MFSD8: variants seen among roughly 807,000 people sequenced by gnomAD.
MFSD8 encodes major facilitator superfamily domain containing 8.
A neutral mutation model predicts 66.4 loss-of-function variants in MFSD8; 55 were observed. The observed-to-expected ratio is 0.83, with a 90% CI of 0.67 to 1.04. The LOEUF (loss-of-function observed/expected upper bound fraction) is 1.04. Among genes scored for constraint, MFSD8 ranks in the 50% least tolerant of loss-of-function variants. The probability of loss-of-function intolerance (pLI) is 0.00; values close to 1 mark genes in which losing one functional copy is unlikely to be tolerated. For synonymous variants in MFSD8, 202 were observed against 212.8 expected (o/e 0.95, Z 0.44); for missense variants, 550 against 627.6 (o/e 0.88, Z 1.32).
At position 127,921,776 on chromosome 4, in the gene MFSD8, AAAAAC is replaced by A. The variant is rs1212979817; in HGVS notation, c.1103-10_1103-6del. The stretch of plus-strand genomic sequence containing the variant: ...GGATTGAATTATTGTGCAAATCTGT[AAAAAC>A]AAAACCATTGCAGTGCATTACTTGT... On this transcript the variant is annotated splice_polypyrimidine_tract_variant and splice_region_variant and intron_variant, in intron 10 of 11. Coordinates refer to ENST00000641686, the MANE Select transcript of MFSD8 (RefSeq NM_001371596.2). The A allele has an allele frequency of 5.6e-6, 9 of 1,614,092 alleles. No individual in the cohort carries two copies. In the Admixed American group the frequency reaches 1.5e-4, roughly 27 times the overall value.
chr4:127,965,137 T>TA lies in MFSD8; in HGVS notation c.-5dup, dbSNP rs1378507589. 1.2e-6 allele frequency: 2 copies of TA among 1,613,960 alleles called. No individual in the cohort carries two copies. The highest frequency in any genetic ancestry group is 1.7e-6 in the Non-Finnish European group (2 of 1,180,020). ...TTTCGTTCCGCAGGCCGGCCATAGTTACACTCCCTACAAGGCGTCTTGCGC... is the reference window on the plus strand; with the variant it reads ...TTTCGTTCCGCAGGCCGGCCATAGTTAACACTCCCTACAAGGCGTCTTGCGC... On this transcript the variant is annotated 5_prime_UTR_variant, in exon 1 of 12. Transcript: ENST00000641686.
chr4:127,947,159 G>T (rs1050678210), intron 3 of MFSD8, among the ~76,000 whole-genome samples: 1 of 152,172 alleles, frequency 6.6e-6, no homozygotes, highest in Non-Finnish European at 1.5e-5. Flanking sequence ...TGGGGAGGCT[G>T]AGGCAGGATC....
At chr4:127,965,260 G>A, upstream of MFSD8, 7 of 1,222,956 alleles carry the variant, frequency 5.7e-6, no homozygotes, top group East Asian at 2.5e-5. Flanking sequence ...TCAGACGTAG[G>A]CGGAACGCCC....
At chr4:127,931,890 C>A (rs117004654) in intron 8 of MFSD8, among the ~76,000 whole-genome samples, 4,504 of 152,246 alleles carry the variant, frequency 0.03, 289 homozygotes, top group East Asian at 0.26. Context: ...GAGCAAATCA[C>A]TTGAGCCCAG....
chr4:127,953,461 C>CAA (rs368450161), intron 2 of MFSD8, among the ~76,000 whole-genome samples: 3,479 of 76,462 alleles, frequency 0.045, 210 homozygotes, highest in East Asian at 0.34. Flanking sequence ...GCACTCAGCT[C>CAA]AAAAAAAAAA....
chr4:127,943,959 A>C lies in MFSD8; in HGVS notation c.232T>G (p.Trp78Gly). ...DPTADTSFLG[W>G]VIASYSLGQM... The stretch of plus-strand genomic sequence containing the variant: ...CCAAGACTATATGAAGCAATAACCC[A>C]GCCCAAAAAACTTGTATCAGCTGTC... The change falls in exon 4 of 12, where the codon TGG becomes GGG. Residue 78 changes from tryptophan (W) to glycine (G), a missense_variant. Transcript: ENST00000641686. The C allele has an allele frequency of 6.2e-7, 1 of 1,614,238 alleles. No individual in the cohort carries two copies. Among genetic ancestry groups the C allele is most frequent in the Non-Finnish European group, 8.5e-7 (1 of 1,180,040 alleles).
chr4:127,942,306 G>C lies in MFSD8; in HGVS notation c.440-148C>G, dbSNP rs115927158. 4.8e-3 allele frequency: 3,225 copies of C among 667,224 alleles called. 86 individuals carry two copies. The African/African-American group carries it at 0.052, about 11-fold the overall frequency. The allele number at this position is 667,224 out of a possible 1,614,324, so 41.3% of individuals were successfully genotyped here. A position where few individuals can be genotyped will look rare whatever the true frequency, so the allele number is the denominator to read the frequency against. ...TTTATGATCACACAAAGCATGTAAG[G>C]TATTTTTATTAAGCAAATGCATCAA... On this transcript the variant is annotated intron_variant, in intron 4 of 11. Transcript: ENST00000641686.
intron 9 of MFSD8, among the ~76,000 whole-genome samples, chr4:127,922,805 G>A (rs745525425): frequency 1.3e-5 from 2 of 151,792 alleles, no homozygotes; most frequent in African/African-American, 2.4e-5. Flanking sequence ...TTCTCTTCAT[G>A]GTAAGTATTC....
chr4:127,959,782 T>C (rs940068291), intron 1 of MFSD8, among the ~76,000 whole-genome samples: 1 of 152,238 alleles, frequency 6.6e-6, no homozygotes, highest in Non-Finnish European at 1.5e-5. Flanking sequence ...CCTTTTTTAA[T>C]TAAAAAAGTA....
chr4:127,922,138 G>A, intron 9 of MFSD8, 175 bp from the exon 10 acceptor site: 1 of 733,796 alleles, frequency 1.4e-6, no homozygotes, highest in South Asian at 1.8e-5. Context: ...CTGAAAAATG[G>A]CTGACTTAAG....
chr4:127,955,053 A>G (rs1372449362), intron 2 of MFSD8, among the ~76,000 whole-genome samples: 2 of 152,196 alleles, frequency 1.3e-5, no homozygotes, highest in Admixed American at 6.5e-5. Flanking sequence ...TGCTATGGAA[A>G]ACAGTATGGC....
intron 3 of MFSD8, 121 bp from the exon 4 acceptor site, chr4:127,944,113 T>TAGTG: frequency 7.6e-7 from 1 of 1,311,794 alleles, no homozygotes; most frequent in Non-Finnish European, 1.1e-6. Context: ...ACGTATAAGT[T>TAGTG]TTATAACACT....
At chr4:127,958,190 T>C (rs1334863425) in intron 1 of MFSD8, among the ~76,000 whole-genome samples, 1 of 152,174 alleles carries the variant, frequency 6.6e-6, no homozygotes. Context: ...CTCCCCAGAC[T>C]TAAGTGATCT....
intron 3 of MFSD8, among the ~76,000 whole-genome samples, chr4:127,944,714 G>T (rs966157612): frequency 6.6e-6 from 1 of 151,718 alleles, no homozygotes; most frequent in African/African-American, 2.4e-5. Context: ...AGGCTGGAGC[G>T]CAGTGGTCCG....
In MFSD8 at chr4:127,965,137, TAC is replaced by T; in HGVS notation, c.-6_-5del. 1.9e-6 allele frequency: 3 copies of T among 1,613,960 alleles called. No individual in the cohort carries two copies. Among genetic ancestry groups the T allele is most frequent in the Non-Finnish European group, 2.5e-6 (3 of 1,180,020 alleles). On this transcript the variant is annotated 5_prime_UTR_variant, in exon 1 of 12. Transcript: ENST00000641686. ...TTTCGTTCCGCAGGCCGGCCATAGT[TAC>T]ACTCCCTACAAGGCGTCTTGCGCCC... is the stretch of plus-strand genomic sequence containing the variant.
chr4:127,921,958 C>T lies in MFSD8; in HGVS notation c.1004G>A (p.Gly335Asp). 1 of 1,613,632 alleles carries T rather than the reference C, an allele frequency of 6.2e-7. No homozygotes were observed. Among genetic ancestry groups the T allele is most frequent in the Non-Finnish European group, 8.5e-7 (1 of 1,179,672 alleles). ...LGVKLLSKKI[G>D]ERAILLGGLI... Reference sequence around the variant, plus strand: ...TCCTCCCAGTAGAATAGCACGCTCGCCAATCCTGTTAAAGAACAGAAACTC... The same window carrying T: ...TCCTCCCAGTAGAATAGCACGCTCGTCAATCCTGTTAAAGAACAGAAACTC... The change falls in exon 10 of 12, where the codon GGC (glycine) becomes GAC (aspartate). Residue 335 changes from glycine (G) to aspartate (D), a missense_variant. Gly to Asp is a moderately conservative substitution (Grantham distance 94, BLOSUM62 -1). Transcript: ENST00000641686.
intron 7 of MFSD8, among the ~76,000 whole-genome samples, chr4:127,937,218 T>G (rs532359809): frequency 6.6e-6 from 1 of 152,352 alleles, no homozygotes; most frequent in South Asian, 2.1e-4. Context: ...TTATTTCTAC[T>G]GTCAAAATTA....
chr4:127,951,039 G>A (rs1186244123), intron 2 of MFSD8, among the ~76,000 whole-genome samples: 2 of 150,556 alleles, frequency 1.3e-5, no homozygotes, highest in Non-Finnish European at 2.9e-5. Context: ...CAGTCTAGGT[G>A]AGAGTGAGAC....
At chr4:127,957,958 C>CCGT (rs1743160407) in intron 1 of MFSD8, among the ~76,000 whole-genome samples, 1 of 152,130 alleles carries the variant, frequency 6.6e-6, no homozygotes, top group Non-Finnish European at 1.5e-5. Flanking sequence ...ACTAGATCCC[C>CCGT]CGTAGCTACT....
Sources: allele counts gnomAD v4.1 joint callset (sites outside exome capture counted in the v4.1 genomes callset), GRCh38; gene constraint gnomAD v4.1.1; transcripts MANE v1.5; gene names NCBI Gene and HGNC (gene_info 2026-07-23, HGNC 2026-07-21).